The following DNAJC17 variants were observed in gnomAD, a reference collection of about 807,000 sequenced individuals.
The protein encoded by DNAJC17 is DnaJ heat shock protein family (Hsp40) member C17, also known as dnaJ homolog subfamily C member 17.
DNAJC17 carries 35 observed loss-of-function variants against 48.1 expected under a neutral mutation model. That is an observed-to-expected ratio of 0.73 (90% CI 0.56 to 0.96). DNAJC17 has a LOEUF of 0.96. Ranked by LOEUF, DNAJC17 falls within the 50% of genes least tolerant of loss-of-function variation. The pLI, the probability that DNAJC17 is intolerant of heterozygous loss-of-function variation, is 0.00. For missense variants in DNAJC17, 355 were observed against 377.1 expected, an observed-to-expected ratio of 0.94 and a Z score of 0.48; for synonymous variants, 117 against 142.7, an observed-to-expected ratio of 0.82 and a Z score of 1.28.
At position 40,769,591 on chromosome 15, in the gene DNAJC17, T is replaced by G. The variant is rs1220316001; in HGVS notation, c.793-1529A>C. 1.3e-5 allele frequency among the ~76,000 whole-genome samples: 2 copies of G among 152,224 alleles called. No individual in the cohort carries two copies. Among genetic ancestry groups the G allele is most frequent in the Non-Finnish European group, 2.9e-5 (2 of 68,032 alleles). ...CTGCCCCCCTTCCTGTTCCTGCTCG[T>G]GAGGGCCTGACAGCGGGGCTGAGTC... On this transcript the variant is annotated intron_variant, in intron 10 of 10. Transcript: ENST00000220496. This position sits in a 1 kb window ranked among gnomAD's most constrained non-coding sequence, Gnocchi z 4.2.
At chr15:40,779,109 G>A (rs1387791037) in intron 4 of DNAJC17, 114 bp downstream of exon 4, 1 of 1,058,598 alleles carries the variant, frequency 9.4e-7, no homozygotes, top group Admixed American at 1.8e-5. Flanking sequence ...TTTGCCCAGA[G>A]CCTGAGCCAA....
At chr15:40,778,049 G>A (rs573678911) in intron 4 of DNAJC17, among the ~76,000 whole-genome samples, 87 of 151,902 alleles carry the variant, frequency 5.7e-4, no homozygotes, top group African/African-American at 1.9e-3. Context: ...AGACCCAGCC[G>A]GGCACAGCGG....
chr15:40,776,100 A>C, intron 6 of DNAJC17, 96 bp downstream of exon 6: 1 of 1,172,644 alleles, frequency 8.5e-7, no homozygotes, highest in Admixed American at 2.0e-5. Context: ...AGCAGGTAGA[A>C]GCCTCCACAG....
In DNAJC17 at chr15:40,776,211, C is replaced by T. The variant is rs73398528; in HGVS notation, c.463G>A (p.Asp155Asn). 9.1e-3 allele frequency: 14,679 copies of T among 1,613,822 alleles called. 1,206 individuals are homozygous for T. In the African/African-American group the frequency reaches 0.18, roughly 19 times the overall value. ...AGACCTGCACCTCTCAACCTCTGGT[C>T]ACGCTCCTGGCGTATCTGCTCCCGG... is the stretch of plus-strand genomic sequence containing the variant. ...LIREQIRQER[D>N]QRLRGKAENT... The change falls in exon 6 of 11, where the codon GAC (aspartate) becomes AAC (asparagine). Residue 155 changes from aspartate to asparagine, a missense_variant. Physicochemically the swap from Asp to Asn is conservative, Grantham distance 23. Around this residue, in one of 3 missense-constraint regions of DNAJC17, gnomAD observed 199 missense variants for 199.9 expected, o/e 1.00. Transcript: ENST00000220496.
rs1888932258 is a variant in DNAJC17, at chr15:40,765,714, G to A, written c.*2226C>T. On this transcript the variant is annotated 3_prime_UTR_variant, in exon 11 of 11. Coordinates refer to ENST00000220496, the MANE Select transcript of DNAJC17 (RefSeq NM_018163.3). ...CCCCTAAGAATCCTTGCTACTCTCT[G>A]TAGCCTTTACCTGAACCTTACTCAG... is the stretch of plus-strand genomic sequence containing the variant. 1 of 497,032 alleles carries A rather than the reference G, an allele frequency of 2.0e-6. No individual in the cohort carries two copies. Among genetic ancestry groups the A allele is most frequent in the African/African-American group, 2.0e-5 (1 of 50,824 alleles). 30.8% of individuals were successfully genotyped at this position (497,032 alleles called of 1,614,324 possible). A position where few individuals can be genotyped will look rare whatever the true frequency, so the allele number is the denominator to read the frequency against.
intron 1 of DNAJC17, among the ~76,000 whole-genome samples, chr15:40,806,272 G>A (rs1417320186): frequency 1.4e-5 from 2 of 146,330 alleles, no homozygotes; most frequent in African/African-American, 5.1e-5. Flanking sequence ...AGACTGGAGT[G>A]CAGTGGTGCA....
At position 40,779,315 on chromosome 15, in the gene DNAJC17, C is replaced by G; in HGVS notation, c.208-5G>C. 1 of 1,613,906 alleles carries G rather than the reference C, an allele frequency of 6.2e-7. No individual in the cohort carries two copies. Among genetic ancestry groups the G allele is most frequent in the Non-Finnish European group, 8.5e-7 (1 of 1,180,002 alleles). The stretch of plus-strand genomic sequence containing the variant: ...CCTGACCTTGTCATATGCAGCCTGG[C>G]AGGAGAAAGGGGCACAGGGCAGAGG... On this transcript the variant is annotated splice_polypyrimidine_tract_variant and splice_region_variant and intron_variant, in intron 3 of 10. Coordinates refer to ENST00000220496, the MANE Select transcript of DNAJC17 (RefSeq NM_018163.3).
intron 1 of DNAJC17, among the ~76,000 whole-genome samples, chr15:40,803,939 C>T (rs1890136484): frequency 6.6e-6 from 1 of 151,636 alleles, no homozygotes; most frequent in Non-Finnish European, 1.5e-5. Context: ...CTCCCACCCC[C>T]ACCCATTTTC....
intron 7 of DNAJC17, 188 bp from the exon 8 acceptor site, chr15:40,775,296 G>A (rs1308571998): frequency 1.4e-6 from 1 of 718,058 alleles, no homozygotes; most frequent in African/African-American, 1.8e-5. Context: ...TCACCCCAGG[G>A]ACGCTTCCCG....
At chr15:40,771,422 T>A in intron 10 of DNAJC17, 1 of 233,596 alleles carries the variant, frequency 4.3e-6, no homozygotes, top group Non-Finnish European at 9.2e-6. Context: ...GGACACAGAC[T>A]GAGCAGAAGA....
chr15:40,796,445 A>T (rs1464561388), intron 1 of DNAJC17, among the ~76,000 whole-genome samples: 1 of 152,198 alleles, frequency 6.6e-6, no homozygotes, highest in Non-Finnish European at 1.5e-5. Flanking sequence ...GGTGTGGGAG[A>T]TAGATAACTG....
chr15:40,787,270 C>T (rs1463140149), intron 1 of DNAJC17, among the ~76,000 whole-genome samples: 2 of 152,196 alleles, frequency 1.3e-5, no homozygotes, highest in South Asian at 2.1e-4. Context: ...CTGCTTCTCC[C>T]CAGGGTCCAG....
At chr15:40,776,466 G>T in intron 5 of DNAJC17, 76 bp downstream of exon 5, 1 of 1,566,054 alleles carries the variant, frequency 6.4e-7, no homozygotes, top group Non-Finnish European at 8.8e-7. Flanking sequence ...CTCTAGCCAC[G>T]GCGACCACCA....
chr15:40,779,614 G>A lies in DNAJC17; in HGVS notation c.149-11C>T, dbSNP rs986744644. On this transcript the variant is annotated splice_polypyrimidine_tract_variant and intron_variant, in intron 2 of 10. Coordinates refer to ENST00000220496, the MANE Select transcript of DNAJC17 (RefSeq NM_018163.3). ...GGTGGAAGAGTTCAGCTAAACATAA[G>A]GATCAAAAAGACAGAAGAAAAATAA... 10 of 1,613,738 alleles carry A rather than the reference G, an allele frequency of 6.2e-6. No homozygotes were observed. Among genetic ancestry groups the A allele is most frequent in the Middle Eastern group, 3.3e-4 (2 of 6,054 alleles).
intron 4 of DNAJC17, chr15:40,776,938 A>C (rs190160082): frequency 2.2e-5 from 6 of 276,500 alleles, no homozygotes; most frequent in African/African-American, 6.5e-5. Flanking sequence ...GCCATGTGTC[A>C]GGGGTGCCAA....
At position 40,803,403 on chromosome 15, in the gene DNAJC17, G is replaced by C. The variant is rs561762391; in HGVS notation, c.78+3966C>G. Reference sequence around the variant, plus strand: ...GGTTTTTCTTGCTTTCTACCAAAAAGTGTGTTGCCATGAAGCTAGCCAGTG... The same window carrying C: ...GGTTTTTCTTGCTTTCTACCAAAAACTGTGTTGCCATGAAGCTAGCCAGTG... On this transcript the variant is annotated intron_variant, in intron 1 of 10. Transcript: ENST00000220496. 3.3e-5 allele frequency among the ~76,000 whole-genome samples: 5 copies of C among 152,350 alleles called. No individual in the cohort carries two copies. In the East Asian group the frequency reaches 9.6e-4, roughly 29 times the overall value.
chr15:40,787,018 C>T (rs1375992265), intron 1 of DNAJC17, among the ~76,000 whole-genome samples: 2 of 152,138 alleles, frequency 1.3e-5, no homozygotes, highest in Admixed American at 6.6e-5. Context: ...CCCTAGGTGG[C>T]GAGGATTTTA....
rs1027586828 is a variant in DNAJC17, at chr15:40,770,590, T to C, written c.793-2528A>G. Reference sequence around the variant, plus strand: ...CGGCGGCTCCGGCGACAGAGTAGTGTGCTTAGCCAGGCCAGCACAGCAGGT... The same window carrying C: ...CGGCGGCTCCGGCGACAGAGTAGTGCGCTTAGCCAGGCCAGCACAGCAGGT... On this transcript the variant is annotated intron_variant, in intron 10 of 10. Transcript: ENST00000220496. The surrounding 1 kb of genome is among the most constrained non-coding windows in gnomAD (Gnocchi z 5.0). 2.3e-5 allele frequency: 35 copies of C among 1,550,566 alleles called. No individual in the cohort carries two copies. Among genetic ancestry groups the C allele is most frequent in the Non-Finnish European group, 3.1e-5 (35 of 1,146,976 alleles).
intron 3 of DNAJC17, 83 bp downstream of exon 3, chr15:40,779,462 G>C: frequency 6.3e-7 from 1 of 1,586,044 alleles, no homozygotes; most frequent in Non-Finnish European, 8.6e-7. Context: ...GTGCCACATG[G>C]CAAAGGGCAG....
Sources: allele counts gnomAD v4.1 joint callset (sites outside exome capture counted in the v4.1 genomes callset), GRCh38; gene constraint gnomAD v4.1.1; regional missense constraint gnomAD v4.1.1; non-coding constraint Gnocchi (gnomAD v3.1); transcripts MANE v1.5; gene names NCBI Gene and HGNC (gene_info 2026-07-23, HGNC 2026-07-21).